The following KIAA1217 variants were observed in gnomAD, a reference collection of about 807,000 sequenced individuals.
The protein encoded by KIAA1217 is KIAA1217, also known as sickle tail protein homolog.
A neutral mutation model predicts 163.9 loss-of-function variants in KIAA1217; 88 were observed. The observed-to-expected ratio is 0.54, with a 90% CI of 0.45 to 0.64. The LOEUF is 0.64. Ranked by LOEUF, KIAA1217 falls within the 30% of genes least tolerant of loss-of-function variation. The probability of loss-of-function intolerance (pLI) is 0.00; values close to 1 mark genes in which losing one functional copy is unlikely to be tolerated. For synonymous variants in KIAA1217, 903 were observed against 923.1 expected (o/e 0.98, Z 0.39); for missense variants, 2,372 against 2,475.0 (o/e 0.96, Z 0.88).
At chr10:23,801,847 A>C (rs772091212) in intron 1 of KIAA1217, among the ~76,000 whole-genome samples, 13 of 152,238 alleles carry the variant, frequency 8.5e-5, no homozygotes, top group African/African-American at 1.2e-4. Context: ...CACACAGAAC[A>C]GGTCAGGACA....
At chr10:24,105,880 G>T (rs2062608099) in intron 2 of KIAA1217, among the ~76,000 whole-genome samples, 1 of 152,212 alleles carries the variant, frequency 6.6e-6, no homozygotes, top group African/African-American at 2.4e-5. Context: ...AGCCTTGGGG[G>T]AGGAAAGTAC....
intron 1 of KIAA1217, among the ~76,000 whole-genome samples, chr10:23,747,532 T>C (rs972664770): frequency 1.3e-4 from 20 of 152,066 alleles, no homozygotes; most frequent in African/African-American, 4.6e-4. Flanking sequence ...GGCCAGGACA[T>C]GTCAAGAAGG....
intron 17 of KIAA1217, among the ~76,000 whole-genome samples, chr10:24,541,851 G>A (rs2075146329): frequency 1.3e-5 from 2 of 152,194 alleles, no homozygotes; most frequent in Non-Finnish European, 2.9e-5. Flanking sequence ...CGTCACCAAT[G>A]TAACCTCAAA....
At chr10:23,959,195 C>A (rs1844708855) in intron 1 of KIAA1217, among the ~76,000 whole-genome samples, 1 of 151,928 alleles carries the variant, frequency 6.6e-6, no homozygotes, top group Non-Finnish European at 1.5e-5. Flanking sequence ...GGAAAAGATT[C>A]CCTTTCTTAC....
chr10:23,742,221 TA>T lies in KIAA1217; in HGVS notation c.-321+46989del, dbSNP rs529160136. The stretch of plus-strand genomic sequence containing the variant: ...CATGCAAGATTTTTGCCTGAGTCAA[TA>T]AGTCCTTGTGCCATCTATTGATAGG... On this transcript the variant is annotated intron_variant, in intron 1 of 18. Coordinates refer to the KIAA1217 transcript ENST00000376462. 7.2e-5 allele frequency among the ~76,000 whole-genome samples: 11 copies of T among 152,098 alleles called. No individual in the cohort carries two copies. In the South Asian group the frequency reaches 1.5e-3, roughly 20 times the overall value.
chr10:24,197,372 A>G (rs560252344), intron 2 of KIAA1217, among the ~76,000 whole-genome samples: 12 of 152,332 alleles, frequency 7.9e-5, no homozygotes, highest in African/African-American at 2.6e-4. Flanking sequence ...AGAATGTTGA[A>G]TTTTCATCCC....
chr10:23,874,870 A>G (rs778664631), intron 1 of KIAA1217, among the ~76,000 whole-genome samples: 8 of 152,046 alleles, frequency 5.3e-5, no homozygotes, highest in Non-Finnish European at 1.0e-4. Context: ...GTAATTTATA[A>G]GGAAAAGAGG....
At chr10:24,484,187 A>G (rs1019004842) in intron 6 of KIAA1217, among the ~76,000 whole-genome samples, 1 of 144,452 alleles carries the variant, frequency 6.9e-6, no homozygotes, top group African/African-American at 2.5e-5. Context: ...AGATATACAT[A>G]TATATTGATA....
In KIAA1217 at chr10:23,852,730, C is replaced by T. The variant is rs1451357909; in HGVS notation, c.-320-154495C>T. 6.6e-5 allele frequency among the ~76,000 whole-genome samples: 10 copies of T among 152,240 alleles called. No homozygotes were observed. The South Asian group carries it at 8.3e-4, about 13-fold the overall frequency. On this transcript the variant is annotated intron_variant, in intron 1 of 18. Transcript: ENST00000376462. ...TAGTTCTCCTTGAAGAGGTCCTTCA[C>T]GTCCCTTGTAAGTTGGATTCCTAGG...
At chr10:24,135,315 T>C (rs2063793326) in intron 2 of KIAA1217, among the ~76,000 whole-genome samples, 1 of 151,656 alleles carries the variant, frequency 6.6e-6, no homozygotes, top group Non-Finnish European at 1.5e-5. Flanking sequence ...ACAGAATGAG[T>C]GGAAGTTGGG....
chr10:24,251,768 C>G (rs1044649113), intron 2 of KIAA1217, among the ~76,000 whole-genome samples: 2 of 149,282 alleles, frequency 1.3e-5, no homozygotes, highest in African/African-American at 5.0e-5. Context: ...TGTTGTTGGA[C>G]AGACTTAGAT....
chr10:23,928,962 C>A (rs1843140821), intron 1 of KIAA1217, among the ~76,000 whole-genome samples: 1 of 152,092 alleles, frequency 6.6e-6, no homozygotes, highest in African/African-American at 2.4e-5. Context: ...ATGCAAAGGT[C>A]TAGACAACGA....
intron 2 of KIAA1217, among the ~76,000 whole-genome samples, chr10:24,169,317 T>C (rs1225916494): frequency 1.3e-5 from 2 of 152,198 alleles, no homozygotes; most frequent in African/African-American, 2.4e-5. Context: ...TGACCCATGC[T>C]CCATCACTCA....
At chr10:23,796,056 T>C (rs1446218791) in intron 1 of KIAA1217, among the ~76,000 whole-genome samples, 1 of 152,174 alleles carries the variant, frequency 6.6e-6, no homozygotes, top group East Asian at 1.9e-4. Flanking sequence ...GGCTCCTAAG[T>C]CAAGTCCCTG....
intron 1 of KIAA1217, among the ~76,000 whole-genome samples, chr10:23,747,212 G>A (rs1158338399): frequency 6.6e-6 from 1 of 152,156 alleles, no homozygotes; most frequent in Non-Finnish European, 1.5e-5. Flanking sequence ...CTAGAAACAA[G>A]AAGGCTGCTG....
At chr10:24,366,954 A>C (rs1385028646) in intron 2 of KIAA1217, among the ~76,000 whole-genome samples, 1 of 152,192 alleles carries the variant, frequency 6.6e-6, no homozygotes, top group Non-Finnish European at 1.5e-5. Context: ...AAATATAAGG[A>C]TGGAACTGTC....
At chr10:24,064,169 C>T (rs975255379) in intron 2 of KIAA1217, among the ~76,000 whole-genome samples, 4 of 152,150 alleles carry the variant, frequency 2.6e-5, no homozygotes, top group African/African-American at 9.7e-5. Flanking sequence ...CCAGAACTTC[C>T]AACACTATGT....
chr10:24,396,055 G>T (rs78229962), intron 3 of KIAA1217, among the ~76,000 whole-genome samples: 1 of 152,040 alleles, frequency 6.6e-6, no homozygotes, highest in Non-Finnish European at 1.5e-5. Flanking sequence ...AATGCTTACC[G>T]GCCAGGCGTG....
chr10:24,117,252 G>A (rs181775581), intron 2 of KIAA1217, among the ~76,000 whole-genome samples: 168 of 152,198 alleles, frequency 1.1e-3, no homozygotes, highest in African/African-American at 3.9e-3. Context: ...GGTCAGGCTG[G>A]TCTCGATCTC....
Sources: allele counts gnomAD v4.1 joint callset (sites outside exome capture counted in the v4.1 genomes callset), GRCh38; gene constraint gnomAD v4.1.1; transcripts MANE v1.5; gene names NCBI Gene and HGNC (gene_info 2026-07-23, HGNC 2026-07-21).